FGF14: variants seen among roughly 807,000 people sequenced by gnomAD.
The protein encoded by FGF14 is fibroblast growth factor homologous factor 4.
FGF14 carries 5 observed loss-of-function variants against 25.5 expected under a neutral mutation model. That is an observed-to-expected ratio of 0.20 (90% confidence interval 0.10 to 0.41). The LOEUF (loss-of-function observed/expected upper bound fraction) is 0.41. FGF14 is among the 10% of genes least tolerant of loss of function. FGF14 has a pLI of 1.00. For synonymous variants in FGF14, 138 were observed against 118.3 expected (o/e 1.17, Z -1.08); for missense variants, 222 against 320.1 (o/e 0.69, Z 2.34).
At chr13:102,188,945 A>G (rs1594334485) in intron 1 of FGF14, among the ~76,000 whole-genome samples, 1 of 126,392 alleles carries the variant, frequency 7.9e-6, no homozygotes, top group Non-Finnish European at 1.6e-5. Context: ...AAAAGAAAGG[A>G]GAGAAAGAAA....
intron 1 of FGF14, among the ~76,000 whole-genome samples, chr13:102,325,808 C>A (rs1472291118): frequency 6.6e-6 from 1 of 150,996 alleles, no homozygotes. Context: ...TCAACGAAGG[C>A]ACAGAATTTT....
intron 1 of FGF14, among the ~76,000 whole-genome samples, chr13:102,063,401 G>C (rs1166785959): frequency 6.6e-6 from 1 of 152,176 alleles, no homozygotes; most frequent in African/African-American, 2.4e-5. Context: ...GACTGCCTGA[G>C]TTCAGGAGTT....
chr13:101,750,180 G>A (rs1035155508), intron 3 of FGF14, among the ~76,000 whole-genome samples: 11 of 152,080 alleles, frequency 7.2e-5, no homozygotes, highest in South Asian at 6.2e-4. Flanking sequence ...TAGTATTTTC[G>A]TGTAGCAGCC....
At chr13:102,024,973 T>TTA (rs1178974832) in intron 1 of FGF14, among the ~76,000 whole-genome samples, 1 of 151,086 alleles carries the variant, frequency 6.6e-6, no homozygotes, top group East Asian at 1.9e-4. Context: ...AAAATGGAAT[T>TTA]TATATATATA....
intron 1 of FGF14, among the ~76,000 whole-genome samples, chr13:102,314,625 G>T (rs117496661): frequency 6.6e-6 from 1 of 152,212 alleles, no homozygotes; most frequent in East Asian, 1.9e-4. Context: ...TAAACACTCA[G>T]AAAATATTTG....
At chr13:102,385,003 C>A (rs2058268323) in intron 1 of FGF14, among the ~76,000 whole-genome samples, 1 of 152,272 alleles carries the variant, frequency 6.6e-6, no homozygotes, top group African/African-American at 2.4e-5. Context: ...CCTTAGGAGA[C>A]TATAAGGTAA....
chr13:102,161,691 GAA>G (rs2047765880), intron 1 of FGF14, among the ~76,000 whole-genome samples: 4 of 115,674 alleles, frequency 3.5e-5, no homozygotes, highest in Non-Finnish European at 5.4e-5. Flanking sequence ...AGAAGAAGAA[GAA>G]GAAGAAGAAG....
intron 3 of FGF14, among the ~76,000 whole-genome samples, chr13:101,789,039 G>T (rs1290591679): frequency 6.7e-6 from 1 of 149,888 alleles, no homozygotes; most frequent in East Asian, 2.0e-4. Flanking sequence ...TCAACAGAAC[G>T]ACCCATGATT....
chr13:101,820,805 C>CAA (rs201140702), intron 3 of FGF14, among the ~76,000 whole-genome samples: 5 of 66,656 alleles, frequency 7.5e-5, no homozygotes, highest in Non-Finnish European at 1.9e-4. Flanking sequence ...CACACACACA[C>CAA]AACACACACA....
At chr13:102,181,376 TGTCCCCTACAAAG>T (rs1370176180) in intron 1 of FGF14, among the ~76,000 whole-genome samples, 1 of 152,168 alleles carries the variant, frequency 6.6e-6, no homozygotes, top group Non-Finnish European at 1.5e-5. Flanking sequence ...GGTTGGACCA[TGTCCCCTACAAAG>T]ATATATTGAA....
At chr13:102,383,963 A>G (rs896853678) in intron 1 of FGF14, among the ~76,000 whole-genome samples, 3 of 152,236 alleles carry the variant, frequency 2.0e-5, no homozygotes, top group African/African-American at 4.8e-5. Context: ...TTAAAATGTA[A>G]TATCAGTTCT....
Position 101,826,539 on chromosome 13 carries a change from G to A in FGF14, c.408+42186C>T, listed in dbSNP as rs114065680. 5.1e-3 allele frequency among the ~76,000 whole-genome samples: 770 copies of A among 152,018 alleles called. 5 individuals carry two copies. Among genetic ancestry groups the A allele is most frequent in the African/African-American group, 0.018 (737 of 41,506 alleles). On this transcript the variant is annotated intron_variant, in intron 3 of 4. Coordinates refer to ENST00000376143, the MANE Select transcript of FGF14 (RefSeq NM_004115.4). ...TCCCAAAGCTCTCAATTTGCTTTTC[G>A]TAAAAATGTAGTATGTGGAATGGAA... is the stretch of plus-strand genomic sequence containing the variant.
chr13:102,004,762 G>C (rs540967514), intron 1 of FGF14, among the ~76,000 whole-genome samples: 2 of 152,146 alleles, frequency 1.3e-5, no homozygotes, highest in African/African-American at 4.8e-5. Flanking sequence ...AATCATGGGG[G>C]CTGTAACCCC....
intron 1 of FGF14, among the ~76,000 whole-genome samples, chr13:102,087,576 T>C (rs2043975532): frequency 4.2e-4 from 4 of 9,592 alleles, no homozygotes; most frequent in African/African-American, 7.3e-4. Context: ...CATGCCTGGC[T>C]TTTTTTTTTT....
At chr13:102,237,351 C>T (rs570581189) in intron 1 of FGF14, among the ~76,000 whole-genome samples, 5 of 152,260 alleles carry the variant, frequency 3.3e-5, no homozygotes, top group South Asian at 2.1e-4. Context: ...GGGATTGAGC[C>T]GGGTATGTCT....
rs1275139685 is a variant in FGF14 at position 101,722,368 on chromosome 13, GGAA to G, written c.*460_*462del. On this transcript the variant is annotated 3_prime_UTR_variant, in exon 5 of 5. Coordinates refer to ENST00000376143, the MANE Select transcript of FGF14 (RefSeq NM_004115.4). Reference sequence around the variant, plus strand: ...TGGAGCGAGCAGCCCTGTAAAAATGGGAAGAAGAGAAATCCGTAATAGCACAGG... The same window carrying G: ...TGGAGCGAGCAGCCCTGTAAAAATGGGAAGAGAAATCCGTAATAGCACAGG... 16 of 232,364 alleles carry G rather than the reference GGAA, an allele frequency of 6.9e-5. No homozygotes were observed. The highest frequency in any genetic ancestry group is 4.2e-4 in the Admixed American group (8 of 19,228). The allele number at this position is 232,364 out of a possible 1,614,324, so 14.4% of individuals were successfully genotyped here. A position where few individuals can be genotyped will look rare whatever the true frequency, so the allele number is the denominator to read the frequency against.
At chr13:101,842,628 T>G (rs74976339) in intron 3 of FGF14, among the ~76,000 whole-genome samples, 1 of 151,948 alleles carries the variant, frequency 6.6e-6, no homozygotes, top group Non-Finnish European at 1.5e-5. Context: ...CTTATTTTAG[T>G]GCAAATAGTA....
At chr13:102,250,789 C>T (rs371658733) in intron 1 of FGF14, among the ~76,000 whole-genome samples, 1 of 152,298 alleles carries the variant, frequency 6.6e-6, no homozygotes, top group East Asian at 1.9e-4. Flanking sequence ...AGACATTTGG[C>T]ATATTACTAA....
At chr13:101,833,199 A>G (rs1372748674) in intron 3 of FGF14, among the ~76,000 whole-genome samples, 5 of 151,988 alleles carry the variant, frequency 3.3e-5, no homozygotes, top group Non-Finnish European at 5.9e-5. Flanking sequence ...TGGCATTAAG[A>G]GCTTATTTGC....
Sources: allele counts gnomAD v4.1 joint callset (sites outside exome capture counted in the v4.1 genomes callset), GRCh38; gene constraint gnomAD v4.1.1; transcripts MANE v1.5; gene names NCBI Gene and HGNC (gene_info 2026-07-23, HGNC 2026-07-21).